The following ZNF462 variants were observed in gnomAD, a reference collection of about 807,000 sequenced individuals.
ZNF462 encodes the protein zinc finger PBX1-interacting protein.
In ZNF462, 10 loss-of-function variants were observed where a neutral mutation model predicts 201.9. That is an observed-to-expected ratio of 0.05 (90% CI 0.03 to 0.08). The LOEUF (loss-of-function observed/expected upper bound fraction) is 0.08, where lower values mean the gene tolerates loss of function less well. Ranked by LOEUF, ZNF462 falls within the 10% of genes least tolerant of loss-of-function variation. The pLI is 1.00. For synonymous variants in ZNF462, 1,227 were observed against 1,193.3 expected, an observed-to-expected ratio of 1.03 and a Z score of -0.58; for missense variants, 2,523 against 3,168.3, an observed-to-expected ratio of 0.80 and a Z score of 4.89.
At position 106,968,009 on chromosome 9, in the gene ZNF462, C is replaced by A. The variant is rs1267686564; in HGVS notation, c.6428-3996C>A. ...ATGTTATTTTCTTAACTATTTCAAC[C>A]TTTCTATCACTTTCTCTCTTTCCTC... On this transcript the variant is annotated intron_variant, in intron 7 of 12. Transcript: ENST00000277225. The surrounding 1 kb of genome is among the most constrained non-coding windows in gnomAD (Gnocchi z 4.0). Among the ~76,000 whole-genome samples, 1 of 151,978 alleles carries A rather than the reference C, an allele frequency of 6.6e-6. No homozygotes were observed. The highest frequency in any genetic ancestry group is 2.4e-5 in the African/African-American group (1 of 41,362).
At chr9:106,965,433 C>T (rs999482529) in intron 7 of ZNF462, among the ~76,000 whole-genome samples, 2 of 151,786 alleles carry the variant, frequency 1.3e-5, no homozygotes, top group Admixed American at 6.6e-5. Context: ...CAAGAGTTGC[C>T]CATATGTAAT....
chr9:106,928,457 C>T lies in ZNF462; in HGVS notation c.4545C>T (p.Tyr1515=). ...TTGACATCAACCCAGGTGCCGTCTA[C>T]AAATGCAGGCATTGCCCATACATCA... ...QDIDINPGAV[Y]KCRHCPYINT... Residue 1515 remains tyrosine, a synonymous_variant, in exon 3 of 13, where the codon TAC becomes TAT. Coordinates refer to ENST00000277225, the MANE Select transcript of ZNF462 (RefSeq NM_021224.6). The surrounding 1 kb of genome is among the most constrained non-coding windows in gnomAD (Gnocchi z 9.3). The T allele has an allele frequency of 1.2e-6, 2 of 1,614,162 alleles. No homozygotes were observed. The highest frequency in any genetic ancestry group is 8.5e-7 in the Non-Finnish European group (1 of 1,180,042).
At chr9:106,998,490 C>T (rs1195568304) in intron 10 of ZNF462, among the ~76,000 whole-genome samples, 2 of 152,122 alleles carry the variant, frequency 1.3e-5, no homozygotes, top group Admixed American at 1.3e-4. Flanking sequence ...CAGATCTAAA[C>T]CATTTTGCTG....
rs1828337482 is a variant in ZNF462, at chr9:106,886,764, C to A, written c.-31+23409C>A. Among the ~76,000 whole-genome samples the A allele has an allele frequency of 6.6e-6, 1 of 152,160 alleles. No individual in the cohort carries two copies. Among genetic ancestry groups the A allele is most frequent in the South Asian group, 2.1e-4 (1 of 4,828 alleles). On this transcript the variant is annotated intron_variant, in intron 1 of 12. Coordinates refer to ENST00000277225, the MANE Select transcript of ZNF462 (RefSeq NM_021224.6). This position sits in a 1 kb window ranked among gnomAD's most constrained non-coding sequence, Gnocchi z 4.6. ...TCTGCCCTGGTGATCCATGCTTATT[C>A]CACTACAACAGTGTTGGCAGATAGC...
At chr9:106,892,030 CT>C (rs1257405992) in intron 1 of ZNF462, among the ~76,000 whole-genome samples, 1 of 152,204 alleles carries the variant, frequency 6.6e-6, no homozygotes, top group Non-Finnish European at 1.5e-5. Flanking sequence ...AATCAACAAT[CT>C]TTCTTTTAAA....
At chr9:106,983,912 A>G (rs1193769941) in intron 9 of ZNF462, among the ~76,000 whole-genome samples, 1 of 152,176 alleles carries the variant, frequency 6.6e-6, no homozygotes, top group African/African-American at 2.4e-5. Context: ...TTCAGGAATT[A>G]GCAAGCACCT....
In ZNF462 at chr9:106,925,738, C is replaced by T; in HGVS notation, c.1826C>T (p.Thr609Ile). 6.2e-7 allele frequency: 1 copy of T among 1,614,192 alleles called. No individual in the cohort carries two copies. Among genetic ancestry groups the T allele is most frequent in the Non-Finnish European group, 8.5e-7 (1 of 1,180,034 alleles). ...AAATGCACCATGTGTAATTACTCCA[C>T]CACAACTCTGAAAGGGCTAAGAGTC... ...PYKCTMCNYS[T>I]TTLKGLRVHQ... Residue 609 changes from threonine (T) to isoleucine (I), a missense_variant, in exon 3 of 13, where the codon ACC becomes ATC. This residue lies in a region of ZNF462 where 383 missense variants were observed against 453.4 expected (regional missense o/e 0.84). Coordinates refer to ENST00000277225, the MANE Select transcript of ZNF462 (RefSeq NM_021224.6). This position sits in a 1 kb window ranked among gnomAD's most constrained non-coding sequence, Gnocchi z 7.9.
At position 106,984,149 on chromosome 9, in the gene ZNF462, A is replaced by G; in HGVS notation, c.6833-37A>G. On this transcript the variant is annotated intron_variant, in intron 9 of 12. Transcript: ENST00000277225. The surrounding 1 kb of genome is among the most constrained non-coding windows in gnomAD (Gnocchi z 6.4). Reference sequence around the variant, plus strand: ...AAAGAACTTCTGTTTTGCCATCAGTAAAAATTCCCATCTTTCCATTCAATT... The same window carrying G: ...AAAGAACTTCTGTTTTGCCATCAGTGAAAATTCCCATCTTTCCATTCAATT... 1 of 1,577,700 alleles carries G rather than the reference A, an allele frequency of 6.3e-7. No individual in the cohort carries two copies. Among genetic ancestry groups the G allele is most frequent in the Non-Finnish European group, 8.6e-7 (1 of 1,156,638 alleles).
chr9:106,990,556 A>C (rs1414201052), intron 10 of ZNF462, among the ~76,000 whole-genome samples: 4 of 151,882 alleles, frequency 2.6e-5, no homozygotes, highest in Non-Finnish European at 5.9e-5. Context: ...TGTCTGTCTC[A>C]TTTCTTAGTT....
At chr9:106,985,283 T>G (rs1197581049) in intron 10 of ZNF462, among the ~76,000 whole-genome samples, 14 of 152,134 alleles carry the variant, frequency 9.2e-5, no homozygotes, top group African/African-American at 3.4e-4. Flanking sequence ...TACAAAGATT[T>G]GTCAAGGCAT....
At chr9:106,936,028 A>G (rs1275576128) in intron 6 of ZNF462, among the ~76,000 whole-genome samples, 1 of 152,212 alleles carries the variant, frequency 6.6e-6, no homozygotes, top group Non-Finnish European at 1.5e-5. Flanking sequence ...GGCAAAGGGA[A>G]CTCAAGATGT....
chr9:106,888,953 A>T (rs1828450119), intron 1 of ZNF462, among the ~76,000 whole-genome samples: 1 of 152,240 alleles, frequency 6.6e-6, no homozygotes. Context: ...CTGGGAACAA[A>T]CTACTTTTAA....
intron 1 of ZNF462, among the ~76,000 whole-genome samples, chr9:106,918,978 A>G (rs1347691619): frequency 1.3e-5 from 2 of 152,224 alleles, no homozygotes; most frequent in Non-Finnish European, 2.9e-5. Flanking sequence ...GGACAGAGGA[A>G]AAGCACCTTA....
chr9:106,957,182 C>T (rs964442222), intron 7 of ZNF462, among the ~76,000 whole-genome samples: 4 of 152,208 alleles, frequency 2.6e-5, no homozygotes, highest in African/African-American at 9.6e-5. Context: ...TTTTCTTTCA[C>T]TTGAACACTT....
intron 10 of ZNF462, among the ~76,000 whole-genome samples, chr9:106,988,298 C>G (rs1244256356): frequency 2.0e-5 from 3 of 152,040 alleles, no homozygotes; most frequent in Non-Finnish European, 1.5e-5. Context: ...AAGCGGAAAC[C>G]CCTGGTAAAC....
At position 106,974,688 on chromosome 9, in the gene ZNF462, C is replaced by T. The variant is rs992206668; in HGVS notation, c.6832+415C>T. 2.4e-5 allele frequency: 6 copies of T among 249,414 alleles called. No individual in the cohort carries two copies. Among genetic ancestry groups the T allele is most frequent in the African/African-American group, 8.8e-5 (4 of 45,532 alleles). 15.5% of individuals were successfully genotyped at this position (249,414 alleles called of 1,614,324 possible). On this transcript the variant is annotated intron_variant, in intron 9 of 12. Coordinates refer to ENST00000277225, the MANE Select transcript of ZNF462 (RefSeq NM_021224.6). This position sits in a 1 kb window ranked among gnomAD's most constrained non-coding sequence, Gnocchi z 4.0. ...TCTTTCAAGAAGACCAAAATGATTT[C>T]CAAAGCAGAACATGGAACTTCCCTT...
intron 1 of ZNF462, among the ~76,000 whole-genome samples, chr9:106,887,456 C>T (rs1828370461): frequency 6.6e-6 from 1 of 152,162 alleles, no homozygotes; most frequent in South Asian, 2.1e-4. Context: ...GGTTCCCTGA[C>T]CATCAGTATT....
At position 106,895,233 on chromosome 9, in the gene ZNF462, G is replaced by GA. The variant is rs1156287985; in HGVS notation, c.-30-28115dup. Among the ~76,000 whole-genome samples the GA allele has an allele frequency of 6.6e-6, 1 of 152,134 alleles. No individual in the cohort carries two copies. The highest frequency in any genetic ancestry group is 1.5e-5 in the Non-Finnish European group (1 of 68,014). ...AGTAGACTGTTCTTGACATATGTTA[G>GA]AAAAAATTGAGCTTAGACCACAGCT... On this transcript the variant is annotated intron_variant, in intron 1 of 12. Coordinates refer to ENST00000277225, the MANE Select transcript of ZNF462 (RefSeq NM_021224.6). The surrounding 1 kb of genome is among the most constrained non-coding windows in gnomAD (Gnocchi z 4.4).
chr9:106,909,205 C>T (rs761164370), intron 1 of ZNF462, among the ~76,000 whole-genome samples: 8 of 151,362 alleles, frequency 5.3e-5, no homozygotes, highest in Non-Finnish European at 1.0e-4. Context: ...TCAAATGATC[C>T]ACTTGCTTCT....
Sources: gnomAD v4.1 joint callset for allele counts (sites outside exome capture counted in the v4.1 genomes callset) on GRCh38, gnomAD v4.1.1 for gene constraint, gnomAD v4.1.1 regional missense constraint, Gnocchi (gnomAD v3.1) non-coding constraint, MANE v1.5 for transcripts, NCBI Gene and HGNC (gene_info 2026-07-23, HGNC 2026-07-21) for gene names.